EYS: variants seen among roughly 807,000 people sequenced by gnomAD.
EYS encodes the protein protein eyes shut homolog.
In EYS, 250 loss-of-function variants were observed where a neutral mutation model predicts 282.1. The ratio of observed to expected loss-of-function variants is 0.89; its 90% CI spans 0.80 to 0.98. The LOEUF (loss-of-function observed/expected upper bound fraction) is 0.98, where lower values mean the gene tolerates loss of function less well. Among genes scored for constraint, EYS ranks in the 50% least tolerant of loss-of-function variants. The probability of loss-of-function intolerance (pLI) is 0.00; values close to 1 mark genes in which losing one functional copy is unlikely to be tolerated. For missense variants in EYS, 4,016 were observed against 3,709.0 expected (o/e 1.08, Z -2.15); for synonymous variants, 1,355 against 1,282.9 (o/e 1.06, Z -1.20).
At chr6:65,308,160 TAG>T (rs1320904847) in intron 11 of EYS, among the ~76,000 whole-genome samples, 1 of 58,524 alleles carries the variant, frequency 1.7e-5, no homozygotes, top group African/African-American at 6.7e-5. Flanking sequence ...GTATTTTTAT[TAG>T]AGACAGGGTT....
intron 29 of EYS, among the ~76,000 whole-genome samples, chr6:64,362,717 G>A (rs367948862): frequency 2.0e-5 from 3 of 151,838 alleles, no homozygotes; most frequent in Admixed American, 6.6e-5. Context: ...CAGTGTCAGT[G>A]TGAGAGGACA....
At chr6:64,735,516 C>T (rs185871234) in intron 22 of EYS, among the ~76,000 whole-genome samples, 48 of 152,014 alleles carry the variant, frequency 3.2e-4, no homozygotes, top group African/African-American at 1.1e-3. Flanking sequence ...AGAAAAAACA[C>T]AAAATTTGAA....
At chr6:65,443,724 AC>A (rs1768534682) in intron 5 of EYS, among the ~76,000 whole-genome samples, 1 of 54,736 alleles carries the variant, frequency 1.8e-5, no homozygotes, top group South Asian at 7.0e-4. Flanking sequence ...ACATATATAC[AC>A]ATACGTGCAT....
intron 14 of EYS, among the ~76,000 whole-genome samples, chr6:64,993,656 A>G (rs530183864): frequency 3.3e-5 from 5 of 151,286 alleles, no homozygotes; most frequent in Non-Finnish European, 7.4e-5. Flanking sequence ...CAGCACACCA[A>G]CATGGCACAT....
rs1322622121 is a variant in EYS, at chr6:65,486,194, T to C, written c.862+4400A>G. 3.3e-5 allele frequency among the ~76,000 whole-genome samples: 5 copies of C among 152,196 alleles called. No individual in the cohort carries two copies. In the East Asian group the frequency reaches 7.7e-4, roughly 24 times the overall value. On this transcript the variant is annotated intron_variant, in intron 5 of 42. Coordinates refer to ENST00000503581, the MANE Select transcript of EYS (RefSeq NM_001142800.2). ...ATTCACACAACTAAAATAAAAACTG[T>C]AGTTGCAAAATTCACAAATAATTTT...
intron 5 of EYS, among the ~76,000 whole-genome samples, chr6:65,488,855 T>C (rs990496448): frequency 6.6e-6 from 1 of 152,130 alleles, no homozygotes; most frequent in Non-Finnish European, 1.5e-5. Flanking sequence ...TCAACAAACC[T>C]GACACACACA....
intron 37 of EYS, among the ~76,000 whole-genome samples, chr6:63,803,248 A>G (rs1582222347): frequency 6.8e-6 from 1 of 146,496 alleles, no homozygotes; most frequent in South Asian, 2.1e-4. Context: ...TTCATTTGCC[A>G]GGCTTTTTTT....
chr6:64,646,574 C>T (rs78386234), intron 22 of EYS, among the ~76,000 whole-genome samples: 2 of 151,912 alleles, frequency 1.3e-5, no homozygotes, highest in Admixed American at 6.5e-5. Context: ...GAGGCTGAGG[C>T]GGGCAGATCA....
In EYS at chr6:65,223,521, C is replaced by T. The variant is rs570078195; in HGVS notation, c.2023+72342G>A. The stretch of plus-strand genomic sequence containing the variant: ...TGGTCTATATTCCTAGTGTGTCTAG[C>T]TTGTGCCAGAGGAGGCAAAAATGAC... On this transcript the variant is annotated intron_variant, in intron 12 of 42. Transcript: ENST00000503581. Among the ~76,000 whole-genome samples the T allele has an allele frequency of 7.2e-5, 11 of 152,314 alleles. 1 individual carries two copies. In the South Asian group the frequency reaches 2.3e-3, roughly 32 times the overall value.
intron 10 of EYS, among the ~76,000 whole-genome samples, chr6:65,339,974 G>A (rs897704675): frequency 1.3e-5 from 2 of 151,130 alleles, no homozygotes; most frequent in Non-Finnish European, 3.0e-5. Context: ...TAGGCAATAA[G>A]AAACCTGTCT....
rs1233846388 is a variant in EYS at position 65,550,297 on chromosome 6, C to CTT, written c.-332-54306_-332-54305dup. Among the ~76,000 whole-genome samples the CTT allele has an allele frequency of 2.3e-4, 3 of 12,814 alleles. 1 individual carries two copies. Among genetic ancestry groups the CTT allele is most frequent in the African/African-American group, 1.5e-3 (2 of 1,320 alleles). 8.4% of individuals were successfully genotyped at this position (12,814 alleles called of 152,430 possible). On this transcript the variant is annotated intron_variant, in intron 2 of 42. Coordinates refer to ENST00000503581, the MANE Select transcript of EYS (RefSeq NM_001142800.2). ...GACTGGTCAGATATCTGCAAGATTGCTTTTTTTTTTTTTTTTTGCTTCTGA... is the reference window on the plus strand; with the variant it reads ...GACTGGTCAGATATCTGCAAGATTGCTTTTTTTTTTTTTTTTTTTGCTTCTGA...
chr6:65,457,345 C>T (rs375903274), intron 5 of EYS, among the ~76,000 whole-genome samples: 7 of 151,534 alleles, frequency 4.6e-5, no homozygotes, highest in Admixed American at 1.3e-4. Flanking sequence ...TTTTTTTTTC[C>T]GTAGAGATGG....
intron 28 of EYS, among the ~76,000 whole-genome samples, chr6:64,393,811 G>A (rs1026814817): frequency 6.6e-6 from 1 of 152,006 alleles, no homozygotes; most frequent in Non-Finnish European, 1.5e-5. Context: ...GAAATAAATG[G>A]TATTCATTTA....
intron 8 of EYS, among the ~76,000 whole-genome samples, chr6:65,364,238 C>T: frequency 7.7e-6 from 1 of 129,142 alleles, no homozygotes; most frequent in East Asian, 2.2e-4. Flanking sequence ...AAAATAAAAT[C>T]AACTAAATGT....
chr6:65,395,578 C>CA (rs1195396225), intron 7 of EYS, among the ~76,000 whole-genome samples: 5 of 152,122 alleles, frequency 3.3e-5, no homozygotes, highest in African/African-American at 4.8e-5. Context: ...TTCAAGTATG[C>CA]AATGCCTCAT....
intron 22 of EYS, among the ~76,000 whole-genome samples, chr6:64,805,944 ATT>A (rs1764408386): frequency 1.3e-5 from 2 of 151,562 alleles, no homozygotes; most frequent in African/African-American, 4.8e-5. Context: ...AAAAGATTTC[ATT>A]ATTATGAGAT....
intron 12 of EYS, among the ~76,000 whole-genome samples, chr6:65,168,501 A>G (rs1465598297): frequency 1.3e-5 from 2 of 151,224 alleles, no homozygotes; most frequent in Non-Finnish European, 1.5e-5. Context: ...CTGTAACATC[A>G]AATGACAGAA....
At chr6:64,379,991 G>A (rs1772690244) in intron 29 of EYS, among the ~76,000 whole-genome samples, 1 of 152,068 alleles carries the variant, frequency 6.6e-6, no homozygotes, top group South Asian at 2.1e-4. Flanking sequence ...TAAAAATCAG[G>A]TGTCCTTGTT....
At chr6:64,175,865 CA>C (rs139996285) in intron 31 of EYS, among the ~76,000 whole-genome samples, 3,502 of 152,182 alleles carry the variant, frequency 0.023, 128 homozygotes, top group African/African-American at 0.079. Context: ...AGGAACAAAA[CA>C]GACAGATATT....
Sources: allele counts gnomAD v4.1 joint callset (sites outside exome capture counted in the v4.1 genomes callset), GRCh38; gene constraint gnomAD v4.1.1; transcripts MANE v1.5; gene names NCBI Gene and HGNC (gene_info 2026-07-23, HGNC 2026-07-21).